TCF7L2: variants seen among roughly 807,000 people sequenced by gnomAD.
TCF7L2 encodes the protein transcription factor 7-like 2.
In TCF7L2, 23 loss-of-function variants were observed where a neutral mutation model predicts 77.9. The observed-to-expected ratio is 0.30, with a 90% CI of 0.21 to 0.42. The LOEUF is 0.42. TCF7L2 is among the 10% of genes least tolerant of loss of function. The probability of loss-of-function intolerance (pLI) is 1.00; values close to 1 mark genes in which losing one functional copy is unlikely to be tolerated. For missense variants in TCF7L2, 654 were observed against 793.1 expected, an observed-to-expected ratio of 0.82 and a Z score of 2.11; for synonymous variants, 413 against 340.2, an observed-to-expected ratio of 1.21 and a Z score of -2.36.
intron 4 of TCF7L2, among the ~76,000 whole-genome samples, chr10:113,037,694 C>T (rs1255539773): frequency 6.6e-6 from 1 of 152,124 alleles, no homozygotes; most frequent in African/African-American, 2.4e-5. Context: ...TCAACAAAGC[C>T]CGAGTTTCCT....
chr10:113,079,350 C>T (rs962779610), intron 5 of TCF7L2, among the ~76,000 whole-genome samples: 5 of 152,280 alleles, frequency 3.3e-5, no homozygotes, highest in South Asian at 2.1e-4. Flanking sequence ...TGTGGCCACA[C>T]GGAGAGCTGC....
intron 5 of TCF7L2, among the ~76,000 whole-genome samples, chr10:113,077,682 T>C (rs2058839892): frequency 1.3e-5 from 1 of 77,196 alleles, no homozygotes. Context: ...CAGGACATAA[T>C]TTCTTTCTTT....
rs546297376 is a variant in TCF7L2, at chr10:112,951,394, G to A, written c.257-89G>A. ...TGCGCCGGCCCGGTCGGGGCGCCCG[G>A]CCCCTCGGGGCACTTTCTAAAAAGT... On this transcript the variant is annotated intron_variant, in intron 2 of 13. Coordinates refer to ENST00000627217, the MANE Select transcript of TCF7L2 (RefSeq NM_001146274.2). The A allele has an allele frequency of 3.2e-5, 39 of 1,202,504 alleles. No homozygotes were observed. The African/African-American group carries it at 4.3e-4, about 13-fold the overall frequency. 74.5% of individuals were successfully genotyped at this position (1,202,504 alleles called of 1,614,324 possible).
chr10:113,003,775 G>A (rs551821495), intron 4 of TCF7L2, among the ~76,000 whole-genome samples: 8 of 152,252 alleles, frequency 5.3e-5, no homozygotes, highest in South Asian at 2.1e-4. Context: ...ATCAATCAAC[G>A]TCAGGATCTG....
At chr10:113,111,038 CTT>C (rs60667705) in intron 5 of TCF7L2, among the ~76,000 whole-genome samples, 43,575 of 145,968 alleles carry the variant, frequency 0.3, 7,032 homozygotes, top group East Asian at 0.47. Flanking sequence ...TTTGGGATTC[CTT>C]TTTTTTTTTT....
chr10:113,004,558 TTC>T (rs1291397952), intron 4 of TCF7L2, among the ~76,000 whole-genome samples: 1 of 152,242 alleles, frequency 6.6e-6, no homozygotes, highest in East Asian at 1.9e-4. Context: ...GTAGGAAAGC[TTC>T]TCTGTCTGGC....
At chr10:113,127,540 G>A (rs916435969) in intron 5 of TCF7L2, among the ~76,000 whole-genome samples, 1 of 150,908 alleles carries the variant, frequency 6.6e-6, no homozygotes, top group Non-Finnish European at 1.5e-5. Context: ...AGGAAAGGAA[G>A]CTTTCGTTTT....
intron 4 of TCF7L2, among the ~76,000 whole-genome samples, chr10:113,033,764 G>C (rs1052227061): frequency 6.6e-6 from 1 of 152,150 alleles, no homozygotes; most frequent in Non-Finnish European, 1.5e-5. Context: ...AATTCCTGGA[G>C]TATGTTTTTA....
intron 5 of TCF7L2, among the ~76,000 whole-genome samples, chr10:113,063,893 C>CGTGCGTGT (rs1554993103): frequency 6.8e-6 from 1 of 147,054 alleles, no homozygotes; most frequent in African/African-American, 2.5e-5. Context: ...ATGGATGTGG[C>CGTGCGTGT]GTGTGTGTGT....
chr10:113,004,300 G>A, intron 4 of TCF7L2, among the ~76,000 whole-genome samples: 1 of 152,140 alleles, frequency 6.6e-6, no homozygotes, highest in East Asian at 1.9e-4. Flanking sequence ...AGGAAGTATG[G>A]GGTCTCTGTA....
intron 5 of TCF7L2, among the ~76,000 whole-genome samples, chr10:113,123,587 CTG>C (rs367773396): frequency 3.0e-4 from 45 of 152,272 alleles, no homozygotes; most frequent in African/African-American, 9.6e-4. Context: ...GGTAGGAAAA[CTG>C]TGATTTTTGA....
chr10:113,121,656 C>T (rs1398986195), intron 5 of TCF7L2, among the ~76,000 whole-genome samples: 4 of 152,032 alleles, frequency 2.6e-5, no homozygotes, highest in Non-Finnish European at 5.9e-5. Context: ...GGAAAGCAAA[C>T]TAATTGGATT....
intron 4 of TCF7L2, among the ~76,000 whole-genome samples, chr10:113,021,770 C>T (rs967858724): frequency 6.6e-6 from 1 of 152,192 alleles, no homozygotes; most frequent in East Asian, 1.9e-4. Flanking sequence ...TTCGCATCTC[C>T]CTTGGCTTGT....
At chr10:112,970,565 A>T (rs1307908839) in intron 4 of TCF7L2, among the ~76,000 whole-genome samples, 1 of 152,036 alleles carries the variant, frequency 6.6e-6, no homozygotes, top group Non-Finnish European at 1.5e-5. Context: ...GTGCGTTGAC[A>T]CAGAGTCTAT....
At chr10:113,093,918 A>G (rs1387604806) in intron 5 of TCF7L2, among the ~76,000 whole-genome samples, 1 of 152,232 alleles carries the variant, frequency 6.6e-6, no homozygotes, top group African/African-American at 2.4e-5. Context: ...TTCATTGTCC[A>G]AAGCCTTCCC....
intron 4 of TCF7L2, among the ~76,000 whole-genome samples, chr10:113,028,278 A>G (rs575681272): frequency 1.3e-5 from 2 of 152,314 alleles, no homozygotes; most frequent in South Asian, 4.1e-4. Flanking sequence ...TACTTGAGTG[A>G]CAGGCTGCTT....
chr10:112,958,437 G>T (rs553287832), intron 3 of TCF7L2, among the ~76,000 whole-genome samples: 1 of 152,090 alleles, frequency 6.6e-6, no homozygotes, highest in South Asian at 2.1e-4. Flanking sequence ...AGGAAAAGTG[G>T]AGTCCCTCTC....
At position 113,152,288 on chromosome 10, in the gene TCF7L2, C is replaced by T. The variant is rs558645117; in HGVS notation, c.1162-45C>T. 49 of 1,513,688 alleles carry T rather than the reference C, an allele frequency of 3.2e-5. No individual in the cohort carries two copies. The East Asian group carries it at 1.1e-3, about 33-fold the overall frequency. The allele number at this position is 1,513,688 out of a possible 1,614,324, so 93.8% of individuals were successfully genotyped here. ...ATGTGTGATGTTCTTTCATGCTTTT[C>T]TCTTTGTTCATGTCTTTCTCATCTG... On this transcript the variant is annotated intron_variant, in intron 10 of 13. Transcript: ENST00000627217.
chr10:113,125,945 C>G (rs2065517119), intron 5 of TCF7L2: 1 of 152,178 alleles, frequency 6.6e-6, no homozygotes, highest in East Asian at 1.9e-4. Flanking sequence ...CATGGTAAGT[C>G]AGCACATTCT....
Sources: gnomAD v4.1 joint callset for allele counts (sites outside exome capture counted in the v4.1 genomes callset) on GRCh38, gnomAD v4.1.1 for gene constraint, MANE v1.5 for transcripts, NCBI Gene and HGNC (gene_info 2026-07-23, HGNC 2026-07-21) for gene names.